PCDHA13: variants seen among roughly 807,000 people sequenced by gnomAD.
The protein encoded by PCDHA13 is protocadherin alpha 13, also known as protocadherin alpha-13.
A neutral mutation model predicts 64.8 loss-of-function variants in PCDHA13; 54 were observed. The observed-to-expected ratio is 0.83, with a 90% CI of 0.67 to 1.04. PCDHA13 has a LOEUF of 1.04. Ranked by LOEUF, PCDHA13 falls within the 50% of genes least tolerant of loss-of-function variation. The pLI is 0.00. For missense variants in PCDHA13, 1,248 were observed against 1,254.3 expected (o/e 0.99, Z 0.08); for synonymous variants, 587 against 564.4 (o/e 1.04, Z -0.57).
At chr5:141,005,718 A>T (rs1554260304) in intron 3 of PCDHA13, among the ~76,000 whole-genome samples, 1 of 149,548 alleles carries the variant, frequency 6.7e-6, no homozygotes, top group Non-Finnish European at 1.5e-5. Context: ...AAAAAAAAAA[A>T]AAAAAAAAAA....
At chr5:140,967,681 G>A (rs367838143) in intron 1 of PCDHA13, 12 of 1,614,086 alleles carry the variant, frequency 7.4e-6, no homozygotes, top group Non-Finnish European at 9.3e-6. Flanking sequence ...ACCGGGAGAG[G>A]CAGCTCTTCA....
chr5:141,010,396 C>A lies in PCDHA13; in HGVS notation c.*459C>A. 7.5e-7 allele frequency: 1 copy of A among 1,337,260 alleles called. No individual in the cohort carries two copies. Among genetic ancestry groups the A allele is most frequent in the Non-Finnish European group, 1.0e-6 (1 of 999,990 alleles). 82.8% of individuals were successfully genotyped at this position (1,337,260 alleles called of 1,614,324 possible). On this transcript the variant is annotated 3_prime_UTR_variant, in exon 4 of 4. Coordinates refer to ENST00000289272, the MANE Select transcript of PCDHA13 (RefSeq NM_018904.3). ...GTGCCAGATATTGGCTGAGACGAGC[C>A]AGCTTAGACTAATTGGTACAAGGAA...
At position 140,884,176 on chromosome 5, in the gene PCDHA13, T is replaced by G; in HGVS notation, c.1908T>G (p.Pro636=). The G allele has an allele frequency of 6.2e-7, 1 of 1,613,372 alleles. No homozygotes were observed. Among genetic ancestry groups the G allele is most frequent in the Non-Finnish European group, 8.5e-7 (1 of 1,179,724 alleles). The stretch of plus-strand genomic sequence containing the variant: ...CTGGCGAGATCAGCACGACGCGCCC[T>G]CTGGACGAGGTGGACGCGCCGCACC... ...LYTGEISTTR[P]LDEVDAPHHR... The change falls in exon 1 of 4, where the codon CCT becomes CCG. Residue 636 remains proline, a synonymous_variant. Coordinates refer to ENST00000289272, the MANE Select transcript of PCDHA13 (RefSeq NM_018904.3).
At chr5:140,969,120 G>T (rs1333559202) in intron 1 of PCDHA13, 1 of 1,613,970 alleles carries the variant, frequency 6.2e-7, no homozygotes, top group Non-Finnish European at 8.5e-7. Flanking sequence ...CGAGGGAATG[G>T]CTCCCTCACC....
chr5:140,932,593 A>T (rs1347990722), intron 1 of PCDHA13, among the ~76,000 whole-genome samples: 1 of 151,922 alleles, frequency 6.6e-6, no homozygotes, highest in South Asian at 2.1e-4. Context: ...GATGTTTTGT[A>T]TATCTATTTT....
At chr5:140,933,490 A>G (rs1554209400) in intron 1 of PCDHA13, among the ~76,000 whole-genome samples, 1 of 152,104 alleles carries the variant, frequency 6.6e-6, no homozygotes, top group African/African-American at 2.4e-5. Flanking sequence ...GTTATTCTTT[A>G]GAATTGTTAA....
chr5:140,967,100 G>A, intron 1 of PCDHA13: 1 of 1,613,092 alleles, frequency 6.2e-7, no homozygotes, highest in Non-Finnish European at 8.5e-7. Context: ...GGCGCTGTGT[G>A]AGCAGCGGCC....
At chr5:140,937,399 T>C (rs2091517737) in intron 1 of PCDHA13, among the ~76,000 whole-genome samples, 1 of 152,226 alleles carries the variant, frequency 6.6e-6, no homozygotes, top group African/African-American at 2.4e-5. Context: ...TATAGGGGTA[T>C]TGCACAACTT....
chr5:140,961,887 GTTT>G (rs35680913), intron 1 of PCDHA13, among the ~76,000 whole-genome samples: 1 of 143,934 alleles, frequency 6.9e-6, no homozygotes. Context: ...ACTTACATCA[GTTT>G]TTTTTTTTTT....
chr5:140,882,355 C>T lies in PCDHA13; in HGVS notation c.87C>T (p.Gly29=). Residue 29 remains glycine (G), a synonymous_variant, in exon 1 of 4, where the codon GGC becomes GGT. Transcript: ENST00000289272. Reference sequence around the variant, plus strand: ...TCGCAGCCTGGGAGACGGGTAGTGGCCAGCTCCACTACTCCGTCCCCGAGG... The same window carrying T: ...TCGCAGCCTGGGAGACGGGTAGTGGTCAGCTCCACTACTCCGTCCCCGAGG... The part of the protein sequence containing the change: ...LILAAWETGS[G]QLHYSVPEEA... 1 of 1,614,166 alleles carries T rather than the reference C, an allele frequency of 6.2e-7. No individual in the cohort carries two copies. Among genetic ancestry groups the T allele is most frequent in the African/African-American group, 1.3e-5 (1 of 75,050 alleles).
chr5:140,895,668 T>C (rs2065102216), intron 1 of PCDHA13, among the ~76,000 whole-genome samples: 1 of 152,170 alleles, frequency 6.6e-6, no homozygotes, highest in South Asian at 2.1e-4. Flanking sequence ...TGAGAACATG[T>C]AGTATTTGGT....
chr5:140,954,537 T>C (rs2095052425), intron 1 of PCDHA13, among the ~76,000 whole-genome samples: 1 of 152,268 alleles, frequency 6.6e-6, no homozygotes, highest in Non-Finnish European at 1.5e-5. Flanking sequence ...TTGAGGTTTT[T>C]TTCATATGTT....
intron 1 of PCDHA13, chr5:140,968,891 A>G (rs782512271): frequency 1.5e-5 from 24 of 1,614,060 alleles, no homozygotes; most frequent in South Asian, 1.1e-4. Context: ...CCTTTATCTA[A>G]TAATAGCATT....
intron 1 of PCDHA13, among the ~76,000 whole-genome samples, chr5:140,935,795 C>T (rs1366379710): frequency 2.0e-5 from 3 of 151,764 alleles, no homozygotes; most frequent in Admixed American, 6.6e-5. Flanking sequence ...AAAATATAAA[C>T]GAGATTATTT....
chr5:140,973,125 G>A (rs1417014318), intron 1 of PCDHA13, among the ~76,000 whole-genome samples: 2 of 152,166 alleles, frequency 1.3e-5, no homozygotes, highest in African/African-American at 4.8e-5. Context: ...GATGAATTAA[G>A]TTTGCATTCA....
At chr5:140,895,072 A>G (rs974661383) in intron 1 of PCDHA13, among the ~76,000 whole-genome samples, 1 of 152,090 alleles carries the variant, frequency 6.6e-6, no homozygotes, top group Admixed American at 6.5e-5. Flanking sequence ...CTCAATTCCT[A>G]TCAGTTCCTC....
chr5:140,988,551 ATCT>A (rs1472655983), intron 3 of PCDHA13, among the ~76,000 whole-genome samples: 4 of 152,158 alleles, frequency 2.6e-5, no homozygotes, highest in South Asian at 2.1e-4. Flanking sequence ...GACTTTCTTC[ATCT>A]TCTTCTTGGG....
At chr5:141,000,412 TATA>T (rs2097919742) in intron 3 of PCDHA13, among the ~76,000 whole-genome samples, 3 of 102,806 alleles carry the variant, frequency 2.9e-5, no homozygotes, top group African/African-American at 7.7e-5. Flanking sequence ...TATATATATA[TATA>T]TATATATTTT....
At chr5:140,929,213 A>G (rs199608631) in intron 1 of PCDHA13, 6 of 1,613,934 alleles carry the variant, frequency 3.7e-6, no homozygotes, top group Admixed American at 1.7e-5. Context: ...TTGCGTGGGG[A>G]GTACAATGCT....
Sources: allele counts gnomAD v4.1 joint callset (sites outside exome capture counted in the v4.1 genomes callset), GRCh38; gene constraint gnomAD v4.1.1; transcripts MANE v1.5; gene names NCBI Gene and HGNC (gene_info 2026-07-23, HGNC 2026-07-21).